Variants in PKHD1 observed in about 807,000 individuals in gnomAD.
PKHD1 encodes the protein fibrocystin.
A neutral mutation model predicts 412.0 loss-of-function variants in PKHD1; 291 were observed. That is an observed-to-expected ratio of 0.71 (90% confidence interval 0.64 to 0.78). The LOEUF (loss-of-function observed/expected upper bound fraction) is 0.78, where lower values mean the gene tolerates loss of function less well. Ranked by LOEUF, PKHD1 falls within the 30% of genes least tolerant of loss-of-function variation. The pLI, the probability that PKHD1 is intolerant of heterozygous loss-of-function variation, is 0.00. For missense variants in PKHD1, 4,825 were observed against 4,950.7 expected (o/e 0.97, Z 0.76); for synonymous variants, 1,777 against 1,821.5 (o/e 0.98, Z 0.62).
rs1004286166 is a variant in PKHD1, at chr6:51,697,868, G to C, written c.10157-37899C>G. On this transcript the variant is annotated intron_variant, in intron 60 of 66. Coordinates refer to ENST00000371117, the MANE Select transcript of PKHD1 (RefSeq NM_138694.4). ...TGCAATATGGCTTGTCTCCTACCTG[G>C]CATTTACTTTTTTTAAATCCTCATT... is the stretch of plus-strand genomic sequence containing the variant. 1.6e-4 allele frequency among the ~76,000 whole-genome samples: 24 copies of C among 152,098 alleles called. 1 individual carries two copies. Among genetic ancestry groups the C allele is most frequent in the African/African-American group, 5.6e-4 (23 of 41,408 alleles).
chr6:51,676,455 T>G lies in PKHD1; in HGVS notation c.10157-16486A>C, dbSNP rs536912936. ...CTTGAGGTTAACACCACCATTTCCC[T>G]CAATAATTTTTTTAGCCATTTTGTA... On this transcript the variant is annotated intron_variant, in intron 60 of 66. Coordinates refer to ENST00000371117, the MANE Select transcript of PKHD1 (RefSeq NM_138694.4). 3.2e-4 allele frequency among the ~76,000 whole-genome samples: 49 copies of G among 152,242 alleles called. No homozygotes were observed. The East Asian group carries it at 6.9e-3, about 22-fold the overall frequency.
intron 43 of PKHD1, among the ~76,000 whole-genome samples, chr6:51,903,149 A>C (rs1202809932): frequency 6.6e-6 from 1 of 152,220 alleles, no homozygotes; most frequent in Non-Finnish European, 1.5e-5. Context: ...TGCTTCAAAA[A>C]AGTGTTTCCA....
intron 52 of PKHD1, among the ~76,000 whole-genome samples, chr6:51,817,140 C>T (rs1326597): frequency 0.92 from 140,613 of 152,130 alleles, 66,030 homozygotes; most frequent in East Asian, 1. Context: ...TAGGGACAGA[C>T]TTGTTTTTTG....
chr6:52,027,023 CT>C (rs1162058986), intron 31 of PKHD1, among the ~76,000 whole-genome samples: 3 of 152,186 alleles, frequency 2.0e-5, no homozygotes, highest in Non-Finnish European at 2.9e-5. Context: ...GTCTATTTGT[CT>C]TGTTCTTCCA....
chr6:51,960,444 A>G (rs1282349805), intron 35 of PKHD1, among the ~76,000 whole-genome samples: 1 of 152,092 alleles, frequency 6.6e-6, no homozygotes, highest in East Asian at 1.9e-4. Flanking sequence ...TCTTGGACAA[A>G]AAGTCATAAA....
At chr6:52,072,583 T>C (rs1810778727) in intron 7 of PKHD1, among the ~76,000 whole-genome samples, 2 of 152,162 alleles carry the variant, frequency 1.3e-5, no homozygotes, top group African/African-American at 4.8e-5. Flanking sequence ...TAGGAGTTTC[T>C]ACCCCCCACA....
chr6:52,072,126 C>A lies in PKHD1; in HGVS notation c.591G>T (p.Gln197His). Reference sequence around the variant, plus strand: ...AATAAGACACTCACCAGCTTCCCATCTGCCTATTTATAAGAGAGCAAGGAG... The same window carrying A: ...AATAAGACACTCACCAGCTTCCCATATGCCTATTTATAAGAGAGCAAGGAG... ...WVTPCSLINR[Q>H]MGSCYPIQED... The change falls in exon 8 of 67, where the codon CAG becomes CAT. Residue 197 changes from glutamine to histidine, a missense_variant. Coordinates refer to ENST00000371117, the MANE Select transcript of PKHD1 (RefSeq NM_138694.4). The A allele has an allele frequency of 6.2e-7, 1 of 1,602,118 alleles. No individual in the cohort carries two copies. Among genetic ancestry groups the A allele is most frequent in the African/African-American group, 1.3e-5 (1 of 74,808 alleles).
chr6:51,906,248 A>G lies in PKHD1; in HGVS notation c.6775T>C (p.Phe2259Leu). ...TLGLKVDSNV[F>L]YNILGHALLV... ...AGCGCATGACCTAAAATATTGTAGA[A>G]TACATTACTGTCCACCTTCAGGCCC... Residue 2259 changes from phenylalanine to leucine, a missense_variant, in exon 41 of 67, where the codon TTC (phenylalanine) becomes CTC (leucine). By Grantham distance (22) the Phe-to-Leu change is conservative. Coordinates refer to ENST00000371117, the MANE Select transcript of PKHD1 (RefSeq NM_138694.4). The G allele has an allele frequency of 6.2e-7, 1 of 1,612,022 alleles. No homozygotes were observed. Among genetic ancestry groups the G allele is most frequent in the South Asian group, 1.1e-5 (1 of 91,040 alleles).
chr6:51,752,652 G>C (rs574114186), intron 57 of PKHD1, among the ~76,000 whole-genome samples: 5 of 152,276 alleles, frequency 3.3e-5, no homozygotes, highest in African/African-American at 1.2e-4. Context: ...GATCAGGAAA[G>C]AACTTTGGAA....
At chr6:51,937,089 G>A (rs1694011516) in intron 36 of PKHD1, among the ~76,000 whole-genome samples, 1 of 152,120 alleles carries the variant, frequency 6.6e-6, no homozygotes, top group African/African-American at 2.4e-5. Flanking sequence ...TGCATAATAA[G>A]AACCTTGGAC....
intron 43 of PKHD1, among the ~76,000 whole-genome samples, chr6:51,898,810 G>C (rs368070686): frequency 1.5e-4 from 23 of 150,312 alleles, no homozygotes; most frequent in African/African-American, 4.9e-4. Flanking sequence ...TCAAATAGAC[G>C]CAATAAAAAA....
At chr6:51,632,164 G>A (rs1425993578) in intron 65 of PKHD1, among the ~76,000 whole-genome samples, 1 of 151,844 alleles carries the variant, frequency 6.6e-6, no homozygotes, top group African/African-American at 2.4e-5. Context: ...GGCTGGTCTC[G>A]AAATCCTAAC....
chr6:51,807,126 G>C (rs996042107), intron 52 of PKHD1, among the ~76,000 whole-genome samples: 1 of 151,940 alleles, frequency 6.6e-6, no homozygotes, highest in Non-Finnish European at 1.5e-5. Context: ...AAAACTCTGT[G>C]TGTAAAAATA....
intron 37 of PKHD1, among the ~76,000 whole-genome samples, chr6:51,915,726 T>C (rs1783681521): frequency 6.6e-6 from 1 of 151,828 alleles, no homozygotes; most frequent in South Asian, 2.1e-4. Context: ...GTACCAGCAG[T>C]AGATGCAGGG....
intron 35 of PKHD1, among the ~76,000 whole-genome samples, chr6:51,990,537 T>C (rs983786764): frequency 6.6e-6 from 1 of 152,226 alleles, no homozygotes; most frequent in Non-Finnish European, 1.5e-5. Flanking sequence ...TTATGGGCTA[T>C]ACAAAGAATC....
chr6:51,838,397 G>C (rs1204911772), intron 50 of PKHD1, among the ~76,000 whole-genome samples: 2 of 152,122 alleles, frequency 1.3e-5, no homozygotes, highest in African/African-American at 4.8e-5. Context: ...TGGACTGAGT[G>C]GTGAATGATT....
intron 52 of PKHD1, among the ~76,000 whole-genome samples, chr6:51,826,143 C>A (rs1767270892): frequency 2.0e-5 from 3 of 152,152 alleles, no homozygotes; most frequent in Admixed American, 2.0e-4. Context: ...TGCTTCATAT[C>A]ACCAACCTAT....
chr6:51,664,956 A>C (rs1044670807), intron 60 of PKHD1, among the ~76,000 whole-genome samples: 39 of 152,234 alleles, frequency 2.6e-4, no homozygotes, highest in African/African-American at 8.7e-4. Context: ...ATCAAATATT[A>C]GTTATTATAA....
intron 35 of PKHD1, among the ~76,000 whole-genome samples, chr6:52,000,381 A>T (rs1798226147): frequency 1.3e-5 from 2 of 152,250 alleles, no homozygotes. Flanking sequence ...CAGGATAGCT[A>T]AAGTTTCATA....
Sources: gnomAD v4.1 joint callset for allele counts (sites outside exome capture counted in the v4.1 genomes callset) on GRCh38, gnomAD v4.1.1 for gene constraint, MANE v1.5 for transcripts, NCBI Gene and HGNC (gene_info 2026-07-23, HGNC 2026-07-21) for gene names.